The following PTP4A1 variants were observed in gnomAD, a reference collection of about 807,000 sequenced individuals.
PTP4A1 encodes protein tyrosine phosphatase 4A1.
PTP4A1 carries 9 observed loss-of-function variants against 20.5 expected under a neutral mutation model. That is an observed-to-expected ratio of 0.44 (90% CI 0.26 to 0.77). PTP4A1 has a LOEUF of 0.77. PTP4A1 is among the 30% of genes least tolerant of loss of function. The pLI, the probability that PTP4A1 is intolerant of heterozygous loss-of-function variation, is 0.19. For synonymous variants in PTP4A1, 78 were observed against 67.4 expected (o/e 1.16, Z -0.77); for missense variants, 137 against 218.8 (o/e 0.63, Z 2.36).
intron 2 of PTP4A1, chr6:63,549,601 T>C: frequency 1.8e-6 from 1 of 567,014 alleles, no homozygotes; most frequent in East Asian, 2.8e-5. Flanking sequence ...ATGTGATATA[T>C]ATACACAATG....
chr6:63,567,804 G>T (rs973170091), upstream of PTP4A1, among the ~76,000 whole-genome samples: 1 of 152,174 alleles, frequency 6.6e-6, no homozygotes, highest in Non-Finnish European at 1.5e-5. Flanking sequence ...CTGTTATTTA[G>T]TGTAGCCACC....
chr6:63,555,020 T>C (rs986989707), intron 3 of PTP4A1, among the ~76,000 whole-genome samples: 4 of 152,182 alleles, frequency 2.6e-5, no homozygotes, highest in Non-Finnish European at 5.9e-5. Context: ...GTGGCTGATA[T>C]CAGAACACAG....
Position 63,576,718 on chromosome 6 carries a change from A to G in PTP4A1, c.-163A>G. On this transcript the variant is annotated 5_prime_UTR_variant, in exon 2 of 6. Coordinates refer to ENST00000626021, the MANE Select transcript of PTP4A1 (RefSeq NM_003463.5). ...GATTGAAGAATTGCTGCTTCTTGTT[A>G]GGAGGTTCATTTCACTTATCATTAC... is the stretch of plus-strand genomic sequence containing the variant. 1.6e-6 allele frequency: 1 copy of G among 624,264 alleles called. No homozygotes were observed. The highest frequency in any genetic ancestry group is 2.1e-5 in the South Asian group (1 of 48,434). The allele number at this position is 624,264 out of a possible 1,614,324, so 38.7% of individuals were successfully genotyped here.
chr6:63,541,751 T>G (rs4538688), intron 2 of PTP4A1, among the ~76,000 whole-genome samples: 77,167 of 151,850 alleles, frequency 0.51, 20,656 homozygotes, highest in African/African-American at 0.68. Flanking sequence ...TTTATTAATA[T>G]ATTTACCATC....
chr6:63,547,185 G>A (rs1415573798), intron 2 of PTP4A1, among the ~76,000 whole-genome samples: 2 of 150,172 alleles, frequency 1.3e-5, no homozygotes, highest in Non-Finnish European at 1.5e-5. Context: ...TAGTAGGGGG[G>A]AATTTTTTTT....
At chr6:63,544,615 A>C (rs1027096326) in intron 2 of PTP4A1, among the ~76,000 whole-genome samples, 1 of 152,118 alleles carries the variant, frequency 6.6e-6, no homozygotes, top group African/African-American at 2.4e-5. Flanking sequence ...TTTGATCTTA[A>C]TAGTGGATCA....
At chr6:63,537,209 G>A (rs1328840165) in intron 2 of PTP4A1, among the ~76,000 whole-genome samples, 1 of 152,142 alleles carries the variant, frequency 6.6e-6, no homozygotes, top group East Asian at 1.9e-4. Context: ...AGTATTTCCT[G>A]GTCGAGGCAA....
chr6:63,567,323 C>T (rs964191461), intron 3 of PTP4A1, among the ~76,000 whole-genome samples: 2 of 152,166 alleles, frequency 1.3e-5, no homozygotes, highest in Non-Finnish European at 2.9e-5. Context: ...AATATTAAAA[C>T]CTGAAAGTCA....
intron 3 of PTP4A1, among the ~76,000 whole-genome samples, chr6:63,562,712 A>C (rs1335915552): frequency 1.3e-5 from 2 of 152,228 alleles, no homozygotes; most frequent in Non-Finnish European, 2.9e-5. Context: ...TAATCTATCA[A>C]GAGTTTAATT....
chr6:63,539,978 A>G (rs1923521), intron 2 of PTP4A1, among the ~76,000 whole-genome samples: 13,320 of 152,196 alleles, frequency 0.088, 620 homozygotes, highest in East Asian at 0.16. Flanking sequence ...TGGGGGTGGG[A>G]GTAATAGGAA....
chr6:63,540,358 C>G (rs1775905971), intron 2 of PTP4A1, among the ~76,000 whole-genome samples: 1 of 152,108 alleles, frequency 6.6e-6, no homozygotes, highest in Admixed American at 6.6e-5. Context: ...CAATGGGTCA[C>G]ACCTGTAATC....
At chr6:63,542,022 GGTGTGTGTGTGT>G (rs72091849) in intron 2 of PTP4A1, among the ~76,000 whole-genome samples, 64 of 146,844 alleles carry the variant, frequency 4.4e-4, no homozygotes, top group African/African-American at 1.3e-3. Context: ...AAGAAACTGT[GGTGTGTGTGTGT>G]GTGTGTGTGT....
In PTP4A1 at chr6:63,539,102, C is replaced by T. The variant is rs565008143; in HGVS notation, c.-640+11018C>T. ...GAGTAGAGGTTTCACCATGTTGGCC[C>T]ATGCTGATCTTGAACTCCTGACCTA... On this transcript the variant is annotated intron_variant, in intron 2 of 3. Coordinates refer to the PTP4A1 transcript ENST00000639568. 1.2e-3 allele frequency among the ~76,000 whole-genome samples: 184 copies of T among 152,128 alleles called. 1 individual carries two copies. Among genetic ancestry groups the T allele is most frequent in the Non-Finnish European group, 2.4e-3 (162 of 67,986 alleles).
At chr6:63,567,274 A>C (rs771518362) in intron 3 of PTP4A1, among the ~76,000 whole-genome samples, 1 of 152,238 alleles carries the variant, frequency 6.6e-6, no homozygotes, top group Non-Finnish European at 1.5e-5. Context: ...AGGAATCACC[A>C]TCTACAGCAA....
chr6:63,578,810 T>A (rs1055978764), intron 3 of PTP4A1, 88 bp from the exon 4 acceptor site: 1 of 1,292,034 alleles, frequency 7.7e-7, no homozygotes, highest in Admixed American at 2.9e-5. Flanking sequence ...AGAATGCTTT[T>A]GAAAACATTT....
chr6:63,555,348 A>G (rs766415713), intron 3 of PTP4A1, among the ~76,000 whole-genome samples: 2 of 152,236 alleles, frequency 1.3e-5, no homozygotes, highest in Non-Finnish European at 2.9e-5. Flanking sequence ...TAATAATTCA[A>G]TATTGTTGTC....
chr6:63,567,061 A>T (rs745360170), intron 3 of PTP4A1, among the ~76,000 whole-genome samples: 2 of 152,130 alleles, frequency 1.3e-5, no homozygotes, highest in African/African-American at 4.8e-5. Context: ...TCTAACTCCA[A>T]TTGTCTTGCT....
At chr6:63,545,700 C>A (rs139146676) in intron 2 of PTP4A1, among the ~76,000 whole-genome samples, 392 of 152,088 alleles carry the variant, frequency 2.6e-3, no homozygotes, top group South Asian at 4.3e-3. Flanking sequence ...CTCAATAAGG[C>A]CTGTTTCCTT....
At chr6:63,578,287 T>A in intron 2 of PTP4A1, 150 bp from the exon 3 acceptor site, 1 of 1,000,306 alleles carries the variant, frequency 1.0e-6, no homozygotes, top group East Asian at 3.5e-5. Flanking sequence ...AAAATTTGCT[T>A]TTGTGTTAAA....
Sources: allele counts gnomAD v4.1 joint callset (sites outside exome capture counted in the v4.1 genomes callset), GRCh38; gene constraint gnomAD v4.1.1; transcripts MANE v1.5; gene names NCBI Gene and HGNC (gene_info 2026-07-23, HGNC 2026-07-21).